The following NALCN variants were observed in gnomAD, a reference collection of about 807,000 sequenced individuals.
NALCN encodes sodium leak channel NALCN.
Under a neutral mutation model 225.3 loss-of-function variants are expected in NALCN, and 111 were observed. The observed-to-expected ratio is 0.49, with a 90% confidence interval of 0.42 to 0.58. The LOEUF is 0.58. Among genes scored for constraint, NALCN ranks in the 20% least tolerant of loss-of-function variants. NALCN has a pLI of 0.00. For synonymous variants in NALCN, 764 were observed against 769.0 expected, an observed-to-expected ratio of 0.99 and a Z score of 0.11; for missense variants, 1,378 against 2,202.4, an observed-to-expected ratio of 0.63 and a Z score of 7.49.
Position 101,057,951 on chromosome 13 carries a change from G to A in NALCN, c.5011C>T (p.Arg1671Cys), listed in dbSNP as rs143587652. The change falls in exon 43 of 44, where the codon CGT becomes TGT. Residue 1671 changes from arginine to cysteine, a missense_variant. Around this residue, in one of 19 missense-constraint regions of NALCN, gnomAD observed 145 missense variants for 169.6 expected, o/e 0.85. Coordinates refer to ENST00000251127, the MANE Select transcript of NALCN (RefSeq NM_052867.4). ...GKPQRKFGQWRLPSAPKPISH... is the reference protein window; with the variant it reads ...GKPQRKFGQWCLPSAPKPISH... ...TGGATGGACCTACCTGAGGGCAGAC[G>A]CCACTGCCCAAATTTCCTCTGGGGT... 77 of 1,613,300 alleles carry A rather than the reference G, an allele frequency of 4.8e-5. No individual in the cohort carries two copies. The highest frequency in any genetic ancestry group is 6.4e-5 in the Non-Finnish European group (75 of 1,179,616).
chr13:101,402,910 C>T (rs114129023), intron 1 of NALCN, among the ~76,000 whole-genome samples: 163 of 152,324 alleles, frequency 1.1e-3, no homozygotes, highest in African/African-American at 3.5e-3. Flanking sequence ...TCTCTTTGCA[C>T]CCACTCTCAG....
chr13:101,332,397 CA>C (rs753158247), intron 7 of NALCN, among the ~76,000 whole-genome samples: 225 of 57,836 alleles, frequency 3.9e-3, no homozygotes, highest in South Asian at 0.027. Context: ...TTCACAAAGC[CA>C]AAAAAAAAAA....
intron 3 of NALCN, among the ~76,000 whole-genome samples, chr13:101,383,849 A>G (rs1377733457): frequency 2.6e-5 from 4 of 152,226 alleles, no homozygotes; most frequent in South Asian, 4.1e-4. Context: ...TACGGTTTAC[A>G]TATTTTATAC....
intron 7 of NALCN, among the ~76,000 whole-genome samples, chr13:101,339,614 A>G (rs954955815): frequency 2.0e-5 from 3 of 152,264 alleles, no homozygotes; most frequent in East Asian, 1.9e-4. Flanking sequence ...CTTCTGCTCA[A>G]TGCCCCAGCT....
At chr13:101,362,620 C>T (rs1169428843) in intron 6 of NALCN, among the ~76,000 whole-genome samples, 2 of 152,010 alleles carry the variant, frequency 1.3e-5, no homozygotes, top group African/African-American at 4.8e-5. Context: ...TTGACAAACC[C>T]ATGGCTAACA....
chr13:101,188,352 G>A (rs1401746473), intron 14 of NALCN, among the ~76,000 whole-genome samples: 1 of 151,994 alleles, frequency 6.6e-6, no homozygotes, highest in East Asian at 1.9e-4. Flanking sequence ...TTGATAAGGA[G>A]GGAAACACAT....
chr13:101,135,398 C>G (rs940158775), intron 17 of NALCN, among the ~76,000 whole-genome samples: 1 of 151,960 alleles, frequency 6.6e-6, no homozygotes, highest in African/African-American at 2.4e-5. Flanking sequence ...TTAGAAATTC[C>G]AAAATTTTTT....
chr13:101,083,639 T>G (rs1218814042), intron 31 of NALCN, 72 bp downstream of exon 31: 1 of 1,463,340 alleles, frequency 6.8e-7, no homozygotes, highest in Non-Finnish European at 9.4e-7. Flanking sequence ...TTATTTTAAT[T>G]TAAATCTGAG....
intron 17 of NALCN, among the ~76,000 whole-genome samples, chr13:101,135,206 C>A (rs1471662991): frequency 6.6e-6 from 1 of 152,050 alleles, no homozygotes; most frequent in Non-Finnish European, 1.5e-5. Context: ...AACAAACAAA[C>A]AAACAAAACT....
At chr13:101,209,669 T>C (rs2040449426) in intron 13 of NALCN, among the ~76,000 whole-genome samples, 1 of 152,188 alleles carries the variant, frequency 6.6e-6, no homozygotes, top group African/African-American at 2.4e-5. Flanking sequence ...CTTTGTCTAG[T>C]GAGTAATACA....
chr13:101,339,835 C>T (rs749453776), intron 7 of NALCN, among the ~76,000 whole-genome samples: 4 of 152,104 alleles, frequency 2.6e-5, no homozygotes, highest in African/African-American at 7.2e-5. Context: ...GAAGTCAGGA[C>T]ATTTGTGAGA....
chr13:101,211,810 T>A (rs963768020), intron 13 of NALCN, among the ~76,000 whole-genome samples: 68 of 151,906 alleles, frequency 4.5e-4, no homozygotes, highest in African/African-American at 1.6e-3. Flanking sequence ...AGTAACAGCC[T>A]CACAGAAAAA....
rs193298391 is a variant in NALCN, at chr13:101,383,129, C to T, written c.292-4476G>A. Among the ~76,000 whole-genome samples, 232 of 152,160 alleles carry T rather than the reference C, an allele frequency of 1.5e-3. 3 individuals carry two copies. Among genetic ancestry groups the T allele is most frequent in the Admixed American group, 5.9e-4 (9 of 15,276 alleles). On this transcript the variant is annotated intron_variant, in intron 3 of 43. Coordinates refer to ENST00000251127, the MANE Select transcript of NALCN (RefSeq NM_052867.4). ...TTGTTTTTCATGCTGTCCATCTTCC[C>T]GAAAAATTCTGCCAAGTCTGTGCCA...
chr13:101,158,045 T>A (rs1321332499), intron 15 of NALCN, among the ~76,000 whole-genome samples: 1 of 152,072 alleles, frequency 6.6e-6, no homozygotes, highest in East Asian at 1.9e-4. Flanking sequence ...CAACCAACTG[T>A]CTTTTCTTTC....
chr13:101,275,797 C>T (rs111496748), intron 10 of NALCN, among the ~76,000 whole-genome samples: 1,524 of 152,122 alleles, frequency 0.01, 10 homozygotes, highest in Non-Finnish European at 0.015. Flanking sequence ...CACCACGAGT[C>T]ATCTTGTCCC....
chr13:101,153,636 CT>C (rs906554194), intron 15 of NALCN, among the ~76,000 whole-genome samples: 7 of 152,198 alleles, frequency 4.6e-5, no homozygotes, highest in Non-Finnish European at 5.9e-5. Context: ...GTGTCCCCCC[CT>C]GCCTCAGTGG....
intron 6 of NALCN, among the ~76,000 whole-genome samples, chr13:101,348,418 T>A (rs181925348): frequency 6.6e-6 from 1 of 152,286 alleles, no homozygotes; most frequent in East Asian, 1.9e-4. Flanking sequence ...ATTGACAGTT[T>A]GAAAGTTGTA....
chr13:101,198,113 T>A (rs1034960081), intron 13 of NALCN, among the ~76,000 whole-genome samples: 2 of 152,168 alleles, frequency 1.3e-5, no homozygotes, highest in Non-Finnish European at 2.9e-5. Flanking sequence ...AACAGGAATG[T>A]ATGAGGAATC....
intron 22 of NALCN, among the ~76,000 whole-genome samples, chr13:101,107,019 G>A (rs1220281165): frequency 1.3e-5 from 2 of 152,086 alleles, no homozygotes; most frequent in African/African-American, 2.4e-5. Context: ...TGAACAGTGG[G>A]TTTCCTTCTT....
Sources: allele counts gnomAD v4.1 joint callset (sites outside exome capture counted in the v4.1 genomes callset), GRCh38; gene constraint gnomAD v4.1.1; regional missense constraint gnomAD v4.1.1; transcripts MANE v1.5; gene names NCBI Gene and HGNC (gene_info 2026-07-23, HGNC 2026-07-21).